The following STXBP5L variants were observed in gnomAD, a reference collection of about 807,000 sequenced individuals.
The protein encoded by STXBP5L is syntaxin binding protein 5L.
In STXBP5L, 65 loss-of-function variants were observed where a neutral mutation model predicts 144.5. The ratio of observed to expected loss-of-function variants is 0.45; its 90% CI spans 0.37 to 0.55. The LOEUF is 0.55. Ranked by LOEUF, STXBP5L falls within the 20% of genes least tolerant of loss-of-function variation. The pLI is 0.00. For missense variants in STXBP5L, 1,298 were observed against 1,405.5 expected (o/e 0.92, Z 1.22); for synonymous variants, 505 against 469.6 (o/e 1.08, Z -0.97).
At chr3:121,196,348 A>G (rs929494057) in intron 9 of STXBP5L, among the ~76,000 whole-genome samples, 1 of 151,874 alleles carries the variant, frequency 6.6e-6, no homozygotes, top group African/African-American at 2.4e-5. Context: ...CATGTTGGTC[A>G]GGCTGGTCTC....
chr3:121,402,529 A>T (rs773402665), intron 22 of STXBP5L, among the ~76,000 whole-genome samples: 9 of 152,046 alleles, frequency 5.9e-5, no homozygotes, highest in Non-Finnish European at 1.3e-4. Flanking sequence ...ATGCATTGTC[A>T]ACTCTCTTGC....
chr3:121,212,117 CT>C (rs2108259025), intron 10 of STXBP5L, among the ~76,000 whole-genome samples: 1 of 152,156 alleles, frequency 6.6e-6, no homozygotes, highest in East Asian at 1.9e-4. Context: ...GATATTAGCC[CT>C]TTGTCAGATG....
At chr3:121,166,319 T>A (rs531526372) in intron 9 of STXBP5L, among the ~76,000 whole-genome samples, 1 of 152,312 alleles carries the variant, frequency 6.6e-6, no homozygotes, top group East Asian at 1.9e-4. Flanking sequence ...TATATTTCAA[T>A]ATAATGTTTG....
intron 11 of STXBP5L, among the ~76,000 whole-genome samples, chr3:121,227,340 G>GGAGGCTGTGTGGGA (rs1402123899): frequency 6.6e-6 from 1 of 152,154 alleles, no homozygotes; most frequent in East Asian, 1.9e-4. Context: ...CAGCACTTTG[G>GGAGGCTGTGTGGGA]GAGGCTGTGT....
chr3:121,311,694 G>C (rs1458657906), intron 19 of STXBP5L, among the ~76,000 whole-genome samples: 1 of 152,106 alleles, frequency 6.6e-6, no homozygotes, highest in Non-Finnish European at 1.5e-5. Flanking sequence ...AATAAAAGAA[G>C]ATACAAACAA....
intron 3 of STXBP5L, among the ~76,000 whole-genome samples, chr3:121,026,014 T>C (rs1015443248): frequency 1.4e-5 from 2 of 143,338 alleles, no homozygotes; most frequent in East Asian, 3.9e-4. Flanking sequence ...TATATATAAA[T>C]ATATTTATAA....
At chr3:121,326,328 C>T (rs1327924369) in intron 20 of STXBP5L, among the ~76,000 whole-genome samples, 7 of 151,826 alleles carry the variant, frequency 4.6e-5, no homozygotes, top group Admixed American at 1.3e-4. Context: ...TTTACCATGG[C>T]GTGGTGACCC....
intron 19 of STXBP5L, among the ~76,000 whole-genome samples, chr3:121,289,167 C>A (rs578059420): frequency 5.3e-5 from 8 of 152,244 alleles, no homozygotes; most frequent in African/African-American, 1.4e-4. Context: ...GAAAAACATT[C>A]CATGCAAATG....
chr3:121,157,600 C>A lies in STXBP5L; in HGVS notation c.850C>A (p.Arg284Ser). The stretch of plus-strand genomic sequence containing the variant: ...TTTATGGAACCTGAAAAGCCCAAGT[C>A]GCCCTTTCCAGACCACAATTCCACA... ...LTLWNLKSPS[R>S]PFQTTIPHGK... Residue 284 changes from arginine (R) to serine (S), a missense_variant, in exon 9 of 27, where the codon CGC becomes AGC. Arg to Ser is a moderately radical substitution (Grantham distance 110). Coordinates refer to ENST00000471454, the MANE Select transcript of STXBP5L (RefSeq NM_001308330.2). 1 of 1,602,754 alleles carries A rather than the reference C, an allele frequency of 6.2e-7. No individual in the cohort carries two copies.
intron 22 of STXBP5L, among the ~76,000 whole-genome samples, 186 bp downstream of exon 22, chr3:121,381,718 G>A (rs920329863): frequency 6.6e-6 from 1 of 152,076 alleles, no homozygotes; most frequent in South Asian, 2.1e-4. Context: ...TTCCTTTGGG[G>A]TAAAAGAGTA....
chr3:120,944,366 T>A lies in STXBP5L; in HGVS notation c.190-10574T>A, dbSNP rs562307415. Among the ~76,000 whole-genome samples, 48 of 151,810 alleles carry A rather than the reference T, an allele frequency of 3.2e-4. No homozygotes were observed. The South Asian group carries it at 3.7e-3, about 12-fold the overall frequency. ...TATCTTAATATGTCCTATAGAATTA[T>A]ATGACTTGTTAAACTATGTGCATGA... On this transcript the variant is annotated intron_variant, in intron 2 of 26. Coordinates refer to ENST00000471454, the MANE Select transcript of STXBP5L (RefSeq NM_001308330.2).
At chr3:121,041,460 A>T (rs1340698437) in intron 3 of STXBP5L, among the ~76,000 whole-genome samples, 1 of 152,110 alleles carries the variant, frequency 6.6e-6, no homozygotes, top group Non-Finnish European at 1.5e-5. Flanking sequence ...GTTTAACTTC[A>T]TGGAAAAAGC....
chr3:121,225,593 T>C (rs1378395252), intron 11 of STXBP5L, among the ~76,000 whole-genome samples: 1 of 152,000 alleles, frequency 6.6e-6, no homozygotes, highest in Non-Finnish European at 1.5e-5. Context: ...CTACCACAAA[T>C]GTGTTGGCTA....
intron 24 of STXBP5L, among the ~76,000 whole-genome samples, chr3:121,415,476 G>A (rs563548626): frequency 6.6e-6 from 1 of 152,192 alleles, no homozygotes; most frequent in South Asian, 2.1e-4. Context: ...CTATTTCATA[G>A]GGCAGTCTAT....
At chr3:121,076,534 G>A (rs1383957003) in intron 5 of STXBP5L, among the ~76,000 whole-genome samples, 1 of 152,084 alleles carries the variant, frequency 6.6e-6, no homozygotes, top group Non-Finnish European at 1.5e-5. Flanking sequence ...GCCACTCAGG[G>A]CAGGTCTGAA....
chr3:120,959,980 G>A (rs940579068), intron 3 of STXBP5L, among the ~76,000 whole-genome samples: 21 of 152,132 alleles, frequency 1.4e-4, no homozygotes, highest in African/African-American at 4.3e-4. Context: ...CCTATAGAAT[G>A]GAAGAAAATT....
chr3:121,300,640 G>A (rs1435342879), intron 19 of STXBP5L, among the ~76,000 whole-genome samples: 1 of 151,716 alleles, frequency 6.6e-6, no homozygotes, highest in East Asian at 1.9e-4. Flanking sequence ...AAAACAGAGA[G>A]GTGTAGCTAA....
At chr3:121,030,892 G>T (rs533331958) in intron 3 of STXBP5L, among the ~76,000 whole-genome samples, 1 of 152,108 alleles carries the variant, frequency 6.6e-6, no homozygotes, top group Admixed American at 6.6e-5. Flanking sequence ...AAGAAAGGGA[G>T]TTTATTAAAT....
chr3:120,992,143 A>C (rs1241280857), intron 3 of STXBP5L, among the ~76,000 whole-genome samples: 1 of 152,060 alleles, frequency 6.6e-6, no homozygotes, highest in East Asian at 1.9e-4. Flanking sequence ...CTTTAAAAAA[A>C]CTTATTTATT....
Sources: allele counts gnomAD v4.1 joint callset (sites outside exome capture counted in the v4.1 genomes callset), GRCh38; gene constraint gnomAD v4.1.1; transcripts MANE v1.5; gene names NCBI Gene and HGNC (gene_info 2026-07-23, HGNC 2026-07-21).